Variants in IPO8 observed in about 807,000 individuals in gnomAD.
The protein encoded by IPO8 is importin-8.
In IPO8, 65 loss-of-function variants were observed where a neutral mutation model predicts 141.2. The ratio of observed to expected loss-of-function variants is 0.46; its 90% CI spans 0.38 to 0.57. IPO8 has a LOEUF of 0.57. IPO8 is among the 20% of genes least tolerant of loss of function. IPO8 has a pLI of 0.00. For synonymous variants in IPO8, 411 were observed against 420.3 expected, an observed-to-expected ratio of 0.98 and a Z score of 0.27; for missense variants, 980 against 1,246.8, an observed-to-expected ratio of 0.79 and a Z score of 3.22.
At chr12:30,672,374 G>C (rs138420833) in intron 8 of IPO8, among the ~76,000 whole-genome samples, 1 of 152,142 alleles carries the variant, frequency 6.6e-6, no homozygotes, top group African/African-American at 2.4e-5. Flanking sequence ...GGATGATACT[G>C]AACATGATTC....
chr12:30,676,645 T>A, intron 5 of IPO8, 58 bp from the exon 6 acceptor site: 1 of 1,238,144 alleles, frequency 8.1e-7, no homozygotes, highest in African/African-American at 1.5e-5. Flanking sequence ...AAATCAGCAA[T>A]TTTATCTATA....
At chr12:30,647,305 C>T (rs1167123871) in intron 20 of IPO8, among the ~76,000 whole-genome samples, 1 of 152,048 alleles carries the variant, frequency 6.6e-6, no homozygotes, top group Non-Finnish European at 1.5e-5. Context: ...CAAAAATTAA[C>T]TCAAAATAGA....
Position 30,650,397 on chromosome 12 carries a change from T to C in IPO8, c.2173-1165A>G, listed in dbSNP as rs545934040. On this transcript the variant is annotated intron_variant, in intron 19 of 24. Coordinates refer to ENST00000256079, the MANE Select transcript of IPO8 (RefSeq NM_006390.4). Reference sequence around the variant, plus strand: ...GAACAGCAATACACATTTTGGAAGCTGGAAAATAGTGAGCTGAATGATAAG... The same window carrying C: ...GAACAGCAATACACATTTTGGAAGCCGGAAAATAGTGAGCTGAATGATAAG... 1.2e-4 allele frequency among the ~76,000 whole-genome samples: 18 copies of C among 152,164 alleles called. No individual in the cohort carries two copies. In the South Asian group the frequency reaches 3.7e-3, roughly 32 times the overall value.
chr12:30,681,838 G>A (rs749961405), intron 3 of IPO8, 21 bp from the exon 4 acceptor site: 1 of 1,587,530 alleles, frequency 6.3e-7, no homozygotes, highest in Non-Finnish European at 8.6e-7. Flanking sequence ...GGGAAGAAAA[G>A]TCCAAAATCT....
chr12:30,677,185 A>G, intron 5 of IPO8: 2 of 815,498 alleles, frequency 2.5e-6, no homozygotes, highest in Admixed American at 2.2e-5. Flanking sequence ...AAAAATGTAT[A>G]TAAAGTCATG....
chr12:30,682,901 T>A (rs1008290721), intron 3 of IPO8, among the ~76,000 whole-genome samples: 1 of 152,124 alleles, frequency 6.6e-6, no homozygotes, highest in East Asian at 1.9e-4. Context: ...TGATTATAAT[T>A]AAGCCTTAAG....
At chr12:30,689,414 G>A (rs2136176082) in intron 2 of IPO8, among the ~76,000 whole-genome samples, 1 of 152,190 alleles carries the variant, frequency 6.6e-6, no homozygotes, top group South Asian at 2.1e-4. Flanking sequence ...TGAAACAAGT[G>A]CCAATTGTGG....
rs1418623622 is a variant in IPO8, at chr12:30,674,020, A to G, written c.879T>C (p.Phe293=). 1 of 1,592,362 alleles carries G rather than the reference A, an allele frequency of 6.3e-7. No homozygotes were observed. The highest frequency in any genetic ancestry group is 8.6e-7 in the Non-Finnish European group (1 of 1,164,220). ...GAATGCCCACTGCATAGGTTTTCAA[A>G]AAGAATTCAGAAAATTCAAAGTATT... is the stretch of plus-strand genomic sequence containing the variant. ...TKEYFEFSEF[F]LKTYAVGIQQ... Residue 293 remains phenylalanine, a synonymous_variant, in exon 8 of 25, where the codon TTT becomes TTC. Coordinates refer to ENST00000256079, the MANE Select transcript of IPO8 (RefSeq NM_006390.4).
intron 20 of IPO8, among the ~76,000 whole-genome samples, chr12:30,646,700 A>C (rs1376590724): frequency 6.6e-6 from 1 of 152,188 alleles, no homozygotes; most frequent in Non-Finnish European, 1.5e-5. Flanking sequence ...AACAAACCTG[A>C]AAATAAAACA....
chr12:30,634,308 A>C, intron 22 of IPO8, 22 bp from the exon 23 acceptor site: 1 of 1,584,730 alleles, frequency 6.3e-7, no homozygotes, highest in Non-Finnish European at 8.7e-7. Flanking sequence ...TTAATTATTT[A>C]AAAGGAATCA....
intron 6 of IPO8, 146 bp from the exon 7 acceptor site, chr12:30,674,899 G>T: frequency 3.1e-6 from 2 of 637,776 alleles, no homozygotes; most frequent in Non-Finnish European, 5.6e-6. Flanking sequence ...TTTATAGATT[G>T]CTAGGCAGGA....
chr12:30,671,170 T>C (rs1310996615), intron 8 of IPO8, 74 bp from the exon 9 acceptor site: 4 of 926,668 alleles, frequency 4.3e-6, no homozygotes, highest in Non-Finnish European at 6.7e-6. Flanking sequence ...ATTTTTGGCA[T>C]GACCTAAAAT....
In IPO8 at chr12:30,634,042, G is replaced by GA. The variant is rs200876672; in HGVS notation, c.2899+40dup. The GA allele has an allele frequency of 1.9e-3, 2,868 of 1,509,618 alleles. 9 individuals are homozygous for GA. Among genetic ancestry groups the GA allele is most frequent in the East Asian group, 0.019 (818 of 43,368 alleles). 93.5% of individuals were successfully genotyped at this position (1,509,618 alleles called of 1,614,324 possible). On this transcript the variant is annotated intron_variant, in intron 23 of 24. Coordinates refer to ENST00000256079, the MANE Select transcript of IPO8 (RefSeq NM_006390.4). ...CAGGAAGAAATGAAGAAAGAGTTTA[G>GA]AAAAAAAAATATCAGAAGATGTGGG...
At chr12:30,671,173 C>T (rs2053043521) in intron 8 of IPO8, 77 bp from the exon 9 acceptor site, 2 of 887,748 alleles carry the variant, frequency 2.3e-6, no homozygotes, top group South Asian at 1.7e-5. Flanking sequence ...TTTGGCATGA[C>T]CTAAAATTCA....
intron 19 of IPO8, among the ~76,000 whole-genome samples, chr12:30,650,100 C>G (rs2052705640): frequency 6.7e-6 from 1 of 150,132 alleles, no homozygotes; most frequent in South Asian, 2.1e-4. Flanking sequence ...GAAAAAAAAG[C>G]AAAACATTAA....
chr12:30,666,178 T>C lies in IPO8; in HGVS notation c.1218A>G (p.Lys406=). ...TTTAAAAAGAAAAATGAAATACCTC[T>C]TTTCTTTTCTTTGCAGCAGTATATA... ...TLLYTAAKKR[K]EVLPKMMAFC... Residue 406 remains lysine (K), a synonymous_variant, in exon 11 of 25, where the codon AAA becomes AAG. Coordinates refer to ENST00000256079, the MANE Select transcript of IPO8 (RefSeq NM_006390.4). The C allele has an allele frequency of 6.4e-7, 1 of 1,564,102 alleles. No individual in the cohort carries two copies. Among genetic ancestry groups the C allele is most frequent in the Non-Finnish European group, 8.7e-7 (1 of 1,155,862 alleles).
intron 21 of IPO8, among the ~76,000 whole-genome samples, chr12:30,638,247 C>A (rs1317558912): frequency 6.6e-6 from 1 of 152,210 alleles, no homozygotes; most frequent in Admixed American, 6.5e-5. Flanking sequence ...TCTCTACTCC[C>A]TAAATCTTTC....
At chr12:30,642,714 C>T (rs1167662744) in intron 20 of IPO8, among the ~76,000 whole-genome samples, 2 of 151,612 alleles carry the variant, frequency 1.3e-5, no homozygotes, top group Non-Finnish European at 2.9e-5. Context: ...CAATGAATAT[C>T]CCCTGTGCCC....
intron 20 of IPO8, among the ~76,000 whole-genome samples, chr12:30,641,493 CTTTTTTT>C (rs58656525): frequency 7.4e-6 from 1 of 135,046 alleles, no homozygotes. Flanking sequence ...TAAGCTATTT[CTTTTTTT>C]TTTTTTTTTT....
Sources: gnomAD v4.1 joint callset for allele counts (sites outside exome capture counted in the v4.1 genomes callset) on GRCh38, gnomAD v4.1.1 for gene constraint, MANE v1.5 for transcripts, NCBI Gene and HGNC (gene_info 2026-07-23, HGNC 2026-07-21) for gene names.